The following NR4A3 variants were observed in gnomAD, a reference collection of about 807,000 sequenced individuals.
NR4A3 encodes the protein nuclear receptor subfamily 4 group A member 3, also known as chondrosarcoma, extraskeletal myxoid, fused to EWS.
NR4A3 carries 13 observed loss-of-function variants against 55.6 expected under a neutral mutation model. The ratio of observed to expected loss-of-function variants is 0.23; its 90% CI spans 0.15 to 0.37. NR4A3 has a LOEUF of 0.37. Ranked by LOEUF, NR4A3 falls within the 10% of genes least tolerant of loss-of-function variation. NR4A3 has a pLI of 1.00. For synonymous variants in NR4A3, 342 were observed against 357.9 expected, an observed-to-expected ratio of 0.96 and a Z score of 0.50; for missense variants, 646 against 822.8, an observed-to-expected ratio of 0.79 and a Z score of 2.63.
intron 5 of NR4A3, 110 bp from the exon 6 acceptor site, chr9:99,844,539 C>T (rs1024634589): frequency 3.2e-5 from 26 of 803,874 alleles, no homozygotes; most frequent in South Asian, 1.8e-4. Context: ...AACTGTAACA[C>T]CTAAAAGTAA....
chr9:99,828,288 C>G lies in NR4A3; in HGVS notation c.246C>G (p.Pro82=), dbSNP rs1239182842. ...CCTGCGTGTACCAAATGCAGCGGCC[C>G]TTGATCAAAGTGGAGGAGGGGCGGG... The part of the protein sequence containing the change: ...KPSCVYQMQR[P]LIKVEEGRAP... The change falls in exon 3 of 8, where the codon CCC becomes CCG. Residue 82 remains proline (P), a synonymous_variant. Coordinates refer to ENST00000395097, the MANE Select transcript of NR4A3 (RefSeq NM_006981.4). This position sits in a 1 kb window ranked among gnomAD's most constrained non-coding sequence, Gnocchi z 7.7. The G allele has an allele frequency of 1.2e-6, 2 of 1,613,864 alleles. No individual in the cohort carries two copies. Among genetic ancestry groups the G allele is most frequent in the African/African-American group, 2.7e-5 (2 of 74,896 alleles).
chr9:99,827,943 TG>T (rs1827337740), intron 2 of NR4A3, 97 bp from the exon 3 acceptor site: 2 of 1,411,692 alleles, frequency 1.4e-6, no homozygotes, highest in Non-Finnish European at 1.9e-6. Context: ...ACTTCCTCTC[TG>T]TTTCCCAGAT....
intron 7 of NR4A3, among the ~76,000 whole-genome samples, chr9:99,862,835 T>C (rs1397760841): frequency 9.9e-5 from 15 of 152,140 alleles, no homozygotes; most frequent in Non-Finnish European, 1.6e-4. Flanking sequence ...ATACTGGTAT[T>C]TGTGTCTTAA....
At chr9:99,857,755 C>CAAAT (rs71370972) in intron 7 of NR4A3, among the ~76,000 whole-genome samples, 50,731 of 141,132 alleles carry the variant, frequency 0.36, 9,333 homozygotes, top group Admixed American at 0.4. Context: ...CTCTGTCTCA[C>CAAAT]AAATAAATAA....
intron 1 of NR4A3, among the ~76,000 whole-genome samples, chr9:99,823,900 C>G (rs1253258870): frequency 6.6e-6 from 1 of 152,044 alleles, no homozygotes; most frequent in Admixed American, 6.5e-5. Context: ...CCTCCGCCCC[C>G]GCTCCCCAGG....
At position 99,828,029 on chromosome 9, in the gene NR4A3, C is replaced by T; in HGVS notation, c.-2-12C>T. Reference sequence around the variant, plus strand: ...ACTTGCTTCTGAGAGACCCTTTTCTCTGTCCCTGCAGATATGCCCTGCGTC... The same window carrying T: ...ACTTGCTTCTGAGAGACCCTTTTCTTTGTCCCTGCAGATATGCCCTGCGTC... On this transcript the variant is annotated splice_polypyrimidine_tract_variant and intron_variant, in intron 2 of 7. Transcript: ENST00000395097. The surrounding 1 kb of genome is among the most constrained non-coding windows in gnomAD (Gnocchi z 7.7). The T allele has an allele frequency of 6.2e-7, 1 of 1,602,926 alleles. No homozygotes were observed. The highest frequency in any genetic ancestry group is 8.5e-7 in the Non-Finnish European group (1 of 1,173,574).
At chr9:99,845,408 G>C (rs569659674) in intron 6 of NR4A3, among the ~76,000 whole-genome samples, 1 of 152,062 alleles carries the variant, frequency 6.6e-6, no homozygotes, top group Non-Finnish European at 1.5e-5. Context: ...AACACAAAAA[G>C]GAAAAGTGAT....
chr9:99,822,727 G>A lies in NR4A3; in HGVS notation c.-177+320G>A, dbSNP rs1827205293. ...AATTCAGGGTATTTCGGCTCTAGTT[G>A]TCATGGTAATGATGCTCTCGGCGGC... On this transcript the variant is annotated intron_variant, in intron 1 of 7. Transcript: ENST00000395097. This position sits in a 1 kb window ranked among gnomAD's most constrained non-coding sequence, Gnocchi z 4.9. Among the ~76,000 whole-genome samples, 1 of 152,208 alleles carries A rather than the reference G, an allele frequency of 6.6e-6. No homozygotes were observed. Among genetic ancestry groups the A allele is most frequent in the African/African-American group, 2.4e-5 (1 of 41,454 alleles).
chr9:99,838,439 CAA>C (rs34570532), intron 5 of NR4A3, among the ~76,000 whole-genome samples: 1 of 152,134 alleles, frequency 6.6e-6, no homozygotes, highest in African/African-American at 2.4e-5. Context: ...AATGAAGCTG[CAA>C]AAAGAGTGGT....
At chr9:99,850,325 T>C (rs1005237785) in intron 7 of NR4A3, among the ~76,000 whole-genome samples, 3 of 152,190 alleles carry the variant, frequency 2.0e-5, no homozygotes, top group African/African-American at 7.2e-5. Context: ...GTGAGAGCCA[T>C]GATTCAAGAG....
rs1352506953 is a variant in NR4A3, at chr9:99,865,958, AAG to A, written c.*2094_*2095del. ...GCAAACTGGGGCCCATTGAAGGGTG[AAG>A]AGTTACTCAAGGTCAAACAGCTGGT... is the stretch of plus-strand genomic sequence containing the variant. On this transcript the variant is annotated 3_prime_UTR_variant, in exon 8 of 8. Transcript: ENST00000395097. This position sits in a 1 kb window ranked among gnomAD's most constrained non-coding sequence, Gnocchi z 4.3. The A allele has an allele frequency of 9.1e-6, 2 of 219,754 alleles. No homozygotes were observed. The highest frequency in any genetic ancestry group is 5.8e-5 in the Admixed American group (1 of 17,312). 13.6% of individuals were successfully genotyped at this position (219,754 alleles called of 1,614,324 possible).
rs1554690807 is a variant in NR4A3, at chr9:99,827,290, G to GTGTGTGTA, written c.-2-750_-2-749insGTGTGTAT. The stretch of plus-strand genomic sequence containing the variant: ...TGTGTGTGTGTGTGTGTGTGTGTGT[G>GTGTGTGTA]TATATATATATATATGGGTGGGTGT... On this transcript the variant is annotated intron_variant, in intron 2 of 7. Coordinates refer to ENST00000395097, the MANE Select transcript of NR4A3 (RefSeq NM_006981.4). Among the ~76,000 whole-genome samples the GTGTGTGTA allele has an allele frequency of 5.8e-5, 8 of 139,114 alleles. No individual in the cohort carries two copies. In the East Asian group the frequency reaches 1.3e-3, roughly 23 times the overall value. The allele number at this position is 139,114 out of a possible 152,430, so 91.3% of individuals were successfully genotyped here.
At chr9:99,851,586 C>T (rs545419912) in intron 7 of NR4A3, among the ~76,000 whole-genome samples, 2 of 151,960 alleles carry the variant, frequency 1.3e-5, no homozygotes, top group Non-Finnish European at 2.9e-5. Flanking sequence ...CTCTCTGTAC[C>T]CCCTCATGAA....
intron 7 of NR4A3, among the ~76,000 whole-genome samples, chr9:99,857,300 G>A (rs1652336504): frequency 6.6e-6 from 1 of 152,144 alleles, no homozygotes; most frequent in Non-Finnish European, 1.5e-5. Flanking sequence ...TGATTTGAAG[G>A]GGAAGGTAAT....
Position 99,866,868 on chromosome 9 carries a change from A to G in NR4A3, c.*3001A>G. ...TACATTAACAATGTAAATTTAAATG[A>G]TTAAATTACATTTTATCAATGGCTA... On this transcript the variant is annotated 3_prime_UTR_variant, in exon 8 of 8. Transcript: ENST00000395097. 1 of 192,756 alleles carries G rather than the reference A, an allele frequency of 5.2e-6. No homozygotes were observed. The highest frequency in any genetic ancestry group is 1.1e-5 in the Non-Finnish European group (1 of 91,968). 11.9% of individuals were successfully genotyped at this position (192,756 alleles called of 1,614,324 possible).
At chr9:99,838,319 A>T (rs1827595819) in intron 5 of NR4A3, among the ~76,000 whole-genome samples, 2 of 152,220 alleles carry the variant, frequency 1.3e-5, no homozygotes, top group Non-Finnish European at 2.9e-5. Flanking sequence ...CAAATACGAG[A>T]GGTGCTGCTC....
chr9:99,855,768 T>G (rs894937237), intron 7 of NR4A3, among the ~76,000 whole-genome samples: 2 of 152,118 alleles, frequency 1.3e-5, no homozygotes, highest in Admixed American at 1.3e-4. Flanking sequence ...GAGTCCTGTT[T>G]GTTTGTGTTT....
Position 99,863,920 on chromosome 9 carries a change from G to A in NR4A3, c.*53G>A, listed in dbSNP as rs968207822. 53 of 1,560,128 alleles carry A rather than the reference G, an allele frequency of 3.4e-5. No homozygotes were observed. Among genetic ancestry groups the A allele is most frequent in the Middle Eastern group, 1.8e-4 (1 of 5,556 alleles). Reference sequence around the variant, plus strand: ...TCCTCTCCTAGCACCTGCTTGCTACGCAGCAAAGGGATAGGTTTGGAAACC... The same window carrying A: ...TCCTCTCCTAGCACCTGCTTGCTACACAGCAAAGGGATAGGTTTGGAAACC... On this transcript the variant is annotated 3_prime_UTR_variant, in exon 8 of 8. Coordinates refer to ENST00000395097, the MANE Select transcript of NR4A3 (RefSeq NM_006981.4).
chr9:99,838,708 G>T (rs1827601371), intron 5 of NR4A3, among the ~76,000 whole-genome samples: 1 of 152,178 alleles, frequency 6.6e-6, no homozygotes, highest in Non-Finnish European at 1.5e-5. Flanking sequence ...ACGAGAAAGA[G>T]GTGGGGTGTT....
Sources: gnomAD v4.1 joint callset for allele counts (sites outside exome capture counted in the v4.1 genomes callset) on GRCh38, gnomAD v4.1.1 for gene constraint, Gnocchi (gnomAD v3.1) non-coding constraint, MANE v1.5 for transcripts, NCBI Gene and HGNC (gene_info 2026-07-23, HGNC 2026-07-21) for gene names.